Variants in PPM1L observed in about 807,000 individuals in gnomAD.
PPM1L encodes protein phosphatase 1L.
Under a neutral mutation model 31.4 loss-of-function variants are expected in PPM1L, and 13 were observed. That is an observed-to-expected ratio of 0.41 (90% CI 0.27 to 0.66). The LOEUF (loss-of-function observed/expected upper bound fraction) is 0.66. Ranked by LOEUF, PPM1L falls within the 30% of genes least tolerant of loss-of-function variation. The pLI is 0.29. For missense variants in PPM1L, 326 were observed against 453.7 expected, an observed-to-expected ratio of 0.72 and a Z score of 2.56; for synonymous variants, 184 against 175.4, an observed-to-expected ratio of 1.05 and a Z score of -0.39.
chr3:160,769,073 C>T (rs1715182089), intron 1 of PPM1L, among the ~76,000 whole-genome samples: 1 of 152,194 alleles, frequency 6.6e-6, no homozygotes, highest in Non-Finnish European at 1.5e-5. Context: ...ATCACATGCT[C>T]ATGCCTAAAC....
chr3:160,872,047 A>G (rs1478942810), intron 1 of PPM1L, among the ~76,000 whole-genome samples: 3 of 152,182 alleles, frequency 2.0e-5, no homozygotes, highest in East Asian at 1.9e-4. Flanking sequence ...TTCCTGAGAA[A>G]TAAGTCTTTG....
intron 1 of PPM1L, among the ~76,000 whole-genome samples, chr3:160,926,969 A>T (rs1436054590): frequency 6.6e-6 from 1 of 152,232 alleles, no homozygotes; most frequent in Non-Finnish European, 1.5e-5. Context: ...ATTGATCCTC[A>T]GTGCCTCACA....
chr3:161,061,522 C>T (rs1199683756), intron 2 of PPM1L, among the ~76,000 whole-genome samples: 3 of 152,128 alleles, frequency 2.0e-5, no homozygotes, highest in Admixed American at 6.5e-5. Context: ...ATAGGTTGTA[C>T]ATTTGTGGAT....
chr3:160,796,620 C>G (rs1260436292), intron 1 of PPM1L, among the ~76,000 whole-genome samples: 1 of 152,142 alleles, frequency 6.6e-6, no homozygotes, highest in Non-Finnish European at 1.5e-5. Flanking sequence ...CTTTGGCTAT[C>G]TCTGGGAAGC....
chr3:160,824,397 T>A (rs981473740), intron 1 of PPM1L, among the ~76,000 whole-genome samples: 1 of 152,180 alleles, frequency 6.6e-6, no homozygotes, highest in African/African-American at 2.4e-5. Flanking sequence ...CTGAACTAAG[T>A]GTGCTTATTA....
At chr3:160,805,072 C>A (rs1712556345) in intron 1 of PPM1L, among the ~76,000 whole-genome samples, 1 of 152,184 alleles carries the variant, frequency 6.6e-6, no homozygotes, top group Non-Finnish European at 1.5e-5. Flanking sequence ...GCTATGTTCC[C>A]AGCCTACAGA....
At chr3:161,013,982 C>G (rs1000148939) in intron 2 of PPM1L, among the ~76,000 whole-genome samples, 41 of 152,126 alleles carry the variant, frequency 2.7e-4, no homozygotes, top group African/African-American at 8.0e-4. Context: ...ATCCAATTTG[C>G]CAGTCTGTGT....
intron 2 of PPM1L, among the ~76,000 whole-genome samples, chr3:161,036,880 C>CAAAG (rs1718756240): frequency 6.6e-6 from 1 of 152,154 alleles, no homozygotes; most frequent in Non-Finnish European, 1.5e-5. Context: ...GACATGGCTT[C>CAAAG]CATGAAATCT....
At chr3:160,897,011 T>G (rs1713355434) in intron 1 of PPM1L, among the ~76,000 whole-genome samples, 1 of 151,694 alleles carries the variant, frequency 6.6e-6, no homozygotes, top group African/African-American at 2.4e-5. Context: ...CTAGTCACAG[T>G]CAGTGGCTGA....
chr3:160,855,594 C>T (rs1463479811), intron 1 of PPM1L, among the ~76,000 whole-genome samples: 1 of 152,110 alleles, frequency 6.6e-6, no homozygotes, highest in African/African-American at 2.4e-5. Flanking sequence ...GACACCAATG[C>T]ACGGCCAACA....
intron 2 of PPM1L, among the ~76,000 whole-genome samples, chr3:161,012,516 G>T (rs1717930435): frequency 6.6e-6 from 1 of 151,808 alleles, no homozygotes; most frequent in Non-Finnish European, 1.5e-5. Context: ...TTGGTATCAG[G>T]ATGATGCTGG....
intron 1 of PPM1L, among the ~76,000 whole-genome samples, chr3:160,858,358 T>C (rs753040330): frequency 6.6e-6 from 1 of 152,192 alleles, no homozygotes; most frequent in Non-Finnish European, 1.5e-5. Flanking sequence ...TTGATTCTCC[T>C]GCCTCAGCCT....
chr3:160,911,052 G>C (rs894786098), intron 1 of PPM1L, among the ~76,000 whole-genome samples: 1 of 152,172 alleles, frequency 6.6e-6, no homozygotes, highest in Admixed American at 6.5e-5. Flanking sequence ...CCTGTAATGA[G>C]GAAGGAGTTA....
chr3:160,913,403 T>C (rs1477735681), intron 1 of PPM1L, among the ~76,000 whole-genome samples: 1 of 152,186 alleles, frequency 6.6e-6, no homozygotes, highest in African/African-American at 2.4e-5. Flanking sequence ...AAAATCACTT[T>C]ATTGAGGCAT....
intron 1 of PPM1L, among the ~76,000 whole-genome samples, chr3:160,944,930 T>G (rs1292438568): frequency 1.5e-5 from 1 of 65,036 alleles, no homozygotes; most frequent in Admixed American, 2.0e-4. Flanking sequence ...AGTGGAGATA[T>G]ATATATTATA....
chr3:160,913,784 G>A (rs1035491118), intron 1 of PPM1L, among the ~76,000 whole-genome samples: 7 of 151,936 alleles, frequency 4.6e-5, no homozygotes, highest in Non-Finnish European at 1.0e-4. Context: ...ACTACAATTC[G>A]TGTATTCATT....
rs1371306608 is a variant in PPM1L at position 161,074,533 on chromosome 3, C to G, written c.*5376C>G. The G allele has an allele frequency of 1.3e-5, 2 of 152,188 alleles. No homozygotes were observed. Among genetic ancestry groups the G allele is most frequent in the East Asian group, 3.8e-4 (2 of 5,200 alleles). The allele number at this position is 152,188 out of a possible 1,614,324, so 9.4% of individuals were successfully genotyped here. A position where few individuals can be genotyped will look rare whatever the true frequency, so the allele number is the denominator to read the frequency against. ...AAAACTAAAAGTAAGATCTCTTAGG[C>G]TAGGTGGCGGATTGCAAAGGGCAGG... On this transcript the variant is annotated 3_prime_UTR_variant, in exon 4 of 4. Coordinates refer to ENST00000498165, the MANE Select transcript of PPM1L (RefSeq NM_139245.4).
chr3:161,078,218 A>G lies in PPM1L; in HGVS notation c.*9061A>G, dbSNP rs895320925. 3 of 152,214 alleles carry G rather than the reference A, an allele frequency of 2.0e-5. No individual in the cohort carries two copies. The highest frequency in any genetic ancestry group is 4.4e-5 in the Non-Finnish European group (3 of 68,030). The allele number at this position is 152,214 out of a possible 1,614,324, so 9.4% of individuals were successfully genotyped here. A position where few individuals can be genotyped will look rare whatever the true frequency, so the allele number is the denominator to read the frequency against. Reference sequence around the variant, plus strand: ...AGGAAAGCACAGAGTGAGGAGAGAAAAAGGGGAAGGAAAAAAAGTAGTGTT... The same window carrying G: ...AGGAAAGCACAGAGTGAGGAGAGAAGAAGGGGAAGGAAAAAAAGTAGTGTT... On this transcript the variant is annotated 3_prime_UTR_variant, in exon 4 of 4. Coordinates refer to ENST00000498165, the MANE Select transcript of PPM1L (RefSeq NM_139245.4).
intron 2 of PPM1L, among the ~76,000 whole-genome samples, chr3:161,038,567 A>G (rs1159641595): frequency 7.0e-6 from 1 of 143,882 alleles, no homozygotes; most frequent in East Asian, 2.2e-4. Context: ...TGGCCTCCCA[A>G]AATGCTGGGA....
Sources: gnomAD v4.1 joint callset for allele counts (sites outside exome capture counted in the v4.1 genomes callset) on GRCh38, gnomAD v4.1.1 for gene constraint, MANE v1.5 for transcripts, NCBI Gene and HGNC (gene_info 2026-07-23, HGNC 2026-07-21) for gene names.